DNAH10: variants seen among roughly 807,000 people sequenced by gnomAD.
DNAH10 encodes the protein axonemal beta dynein heavy chain 10.
DNAH10 carries 348 observed loss-of-function variants against 506.6 expected under a neutral mutation model. The ratio of observed to expected loss-of-function variants is 0.69; its 90% CI spans 0.63 to 0.75. The LOEUF (loss-of-function observed/expected upper bound fraction) is 0.75, where lower values mean the gene tolerates loss of function less well. Among genes scored for constraint, DNAH10 ranks in the 30% least tolerant of loss-of-function variants. DNAH10 has a pLI of 0.00. For missense variants in DNAH10, 5,179 were observed against 5,787.1 expected, an observed-to-expected ratio of 0.89 and a Z score of 3.41; for synonymous variants, 2,059 against 2,198.6, an observed-to-expected ratio of 0.94 and a Z score of 1.78.
chr12:123,926,333 C>T lies in DNAH10; in HGVS notation c.11922-304C>T, dbSNP rs1464533241. 1 of 364,498 alleles carries T rather than the reference C, an allele frequency of 2.7e-6. No individual in the cohort carries two copies. Among genetic ancestry groups the T allele is most frequent in the African/African-American group, 2.1e-5 (1 of 47,688 alleles). The allele number at this position is 364,498 out of a possible 1,614,324, so 22.6% of individuals were successfully genotyped here. A position where few individuals can be genotyped will look rare whatever the true frequency, so the allele number is the denominator to read the frequency against. ...ACCATTCAGGACACGCCTGTGGAAC[C>T]TCAGGGTTTTGTGCCATGGGCAGGC... On this transcript the variant is annotated intron_variant, in intron 68 of 78. Coordinates refer to ENST00000673944, the MANE Select transcript of DNAH10 (RefSeq NM_001372106.1). This position sits in a 1 kb window ranked among gnomAD's most constrained non-coding sequence, Gnocchi z 4.1.
intron 1 of DNAH10, among the ~76,000 whole-genome samples, chr12:123,765,802 TCTAC>T (rs760618044): frequency 7.9e-5 from 12 of 151,790 alleles, no homozygotes; most frequent in Non-Finnish European, 1.5e-4. Flanking sequence ...TATACATCTA[TCTAC>T]CTACCTACCT....
At chr12:123,764,760 C>G (rs1258772640) in intron 1 of DNAH10, among the ~76,000 whole-genome samples, 1 of 152,160 alleles carries the variant, frequency 6.6e-6, no homozygotes, top group African/African-American at 2.4e-5. Flanking sequence ...CCCTGGTCTT[C>G]CCTTCCATTC....
At chr12:123,929,552 G>T (rs548189958) in intron 71 of DNAH10, 68 bp downstream of exon 71, 4 of 1,576,818 alleles carry the variant, frequency 2.5e-6, no homozygotes, top group Non-Finnish European at 3.4e-6. Context: ...ACTTTCCTCC[G>T]GGTTCAACCA....
chr12:123,888,324 C>T (rs1390979810), intron 52 of DNAH10, among the ~76,000 whole-genome samples: 4 of 152,180 alleles, frequency 2.6e-5, no homozygotes, highest in Non-Finnish European at 4.4e-5. Flanking sequence ...GGCTGAATGG[C>T]GGCCCTCTAA....
chr12:123,793,188 G>C (rs1958146128), intron 11 of DNAH10, among the ~76,000 whole-genome samples: 1 of 152,068 alleles, frequency 6.6e-6, no homozygotes, highest in East Asian at 1.9e-4. Flanking sequence ...GGGATTCCCT[G>C]TTTGCCCCTC....
intron 4 of DNAH10, among the ~76,000 whole-genome samples, chr12:123,773,398 A>G (rs1957328706): frequency 1.3e-5 from 2 of 152,254 alleles, no homozygotes; most frequent in Admixed American, 6.5e-5. Flanking sequence ...CAAACAACCC[A>G]TGACTCAAAA....
In DNAH10 at chr12:123,853,587, A is replaced by T. The variant is rs12099451; in HGVS notation, c.6438+235A>T. The stretch of plus-strand genomic sequence containing the variant: ...TGTCTTCGCTCCAATAGCAACATTT[A>T]TGATGCTTCCATAGTAATAATCTGT... On this transcript the variant is annotated intron_variant, in intron 36 of 78. Transcript: ENST00000673944. The surrounding 1 kb of genome is among the most constrained non-coding windows in gnomAD (Gnocchi z 4.7). 0.016 allele frequency among the ~76,000 whole-genome samples: 2,482 copies of T among 152,310 alleles called. 67 individuals carry two copies. The highest frequency in any genetic ancestry group is 0.056 in the African/African-American group (2,320 of 41,564).
Position 123,898,673 on chromosome 12 carries a change from G to C in DNAH10, c.9499G>C (p.Gly3167Arg), listed in dbSNP as rs1261713651. Reference sequence around the variant, plus strand: ...CTCAGCTCAGTGCAAGCGTCTGGATGGGGGACTGGACAAGCTGAAGGAGGC... The same window carrying C: ...CTCAGCTCAGTGCAAGCGTCTGGATCGGGGACTGGACAAGCTGAAGGAGGC... The part of the protein sequence containing the change: ...CNIAQCKRLD[G>R]GLDKLKEATI... The change falls in exon 56 of 79, where the codon GGG (glycine) becomes CGG (arginine). Residue 3167 changes from glycine to arginine, a missense_variant. Physicochemically the swap from Gly to Arg is moderately radical, Grantham distance 125. Around this residue, in one of 3 missense-constraint regions of DNAH10, gnomAD observed 4,844 missense variants for 5,430.5 expected, o/e 0.89. Coordinates refer to ENST00000673944, the MANE Select transcript of DNAH10 (RefSeq NM_001372106.1). The C allele has an allele frequency of 5.7e-6, 9 of 1,591,110 alleles. No homozygotes were observed. The highest frequency in any genetic ancestry group is 7.7e-6 in the Non-Finnish European group (9 of 1,168,990).
At chr12:123,851,930 C>T (rs1419728380) in intron 35 of DNAH10, among the ~76,000 whole-genome samples, 1 of 152,176 alleles carries the variant, frequency 6.6e-6, no homozygotes, top group Non-Finnish European at 1.5e-5. Flanking sequence ...GATGCCATCA[C>T]ACCTGGCTAA....
intron 45 of DNAH10, 67 bp downstream of exon 45, chr12:123,871,669 A>T: frequency 6.7e-7 from 1 of 1,501,408 alleles, no homozygotes; most frequent in Admixed American, 2.0e-5. Context: ...TAGCAGCTTC[A>T]TACCACAAGC....
chr12:123,808,284 G>A (rs1177905698), intron 18 of DNAH10, among the ~76,000 whole-genome samples: 1 of 152,174 alleles, frequency 6.6e-6, no homozygotes, highest in Non-Finnish European at 1.5e-5. Context: ...TCCCACCTCA[G>A]CCTCCCAAAG....
intron 44 of DNAH10, 142 bp downstream of exon 44, chr12:123,870,627 C>T: frequency 7.9e-7 from 1 of 1,261,660 alleles, no homozygotes; most frequent in Non-Finnish European, 1.1e-6. Flanking sequence ...AGAGGGTGAG[C>T]TGTGGGCCCT....
chr12:123,883,325 C>T (rs577586227), intron 51 of DNAH10, among the ~76,000 whole-genome samples: 2 of 152,350 alleles, frequency 1.3e-5, no homozygotes, highest in African/African-American at 4.8e-5. Context: ...CTACCAGCAG[C>T]GTCTGAGGGT....
intron 43 of DNAH10, 122 bp downstream of exon 43, chr12:123,868,241 G>A: frequency 1.1e-6 from 1 of 900,408 alleles, no homozygotes; most frequent in Non-Finnish European, 1.7e-6. Context: ...TGCTTCTTTA[G>A]AGAAACATGC....
At chr12:123,871,837 T>G (rs548340576) in intron 45 of DNAH10, among the ~76,000 whole-genome samples, 1 of 152,296 alleles carries the variant, frequency 6.6e-6, no homozygotes, top group East Asian at 1.9e-4. Context: ...TGAGATGACG[T>G]TTCACATGGC....
intron 7 of DNAH10, 34 bp downstream of exon 7, chr12:123,783,298 C>G: frequency 6.2e-7 from 1 of 1,608,046 alleles, no homozygotes; most frequent in African/African-American, 1.3e-5. Context: ...GAGCCCCGAT[C>G]CAGGTCATGC....
intron 28 of DNAH10, 107 bp downstream of exon 28, chr12:123,835,635 A>AT (rs1038049164): frequency 2.1e-6 from 3 of 1,442,578 alleles, no homozygotes; most frequent in East Asian, 5.0e-5. Flanking sequence ...CTTCTCTCTC[A>AT]TTTTTTAGAG....
At chr12:123,809,947 T>C (rs1958865716) in intron 19 of DNAH10, among the ~76,000 whole-genome samples, 1 of 152,200 alleles carries the variant, frequency 6.6e-6, no homozygotes, top group South Asian at 2.1e-4. Flanking sequence ...TCTGCTCCCC[T>C]GACCTTCTTG....
intron 57 of DNAH10, among the ~76,000 whole-genome samples, chr12:123,906,093 C>G (rs1398470860): frequency 6.6e-6 from 1 of 151,612 alleles, no homozygotes; most frequent in African/African-American, 2.4e-5. Flanking sequence ...CGACGCCTGG[C>G]TAATTTTTTT....
Sources: allele counts gnomAD v4.1 joint callset (sites outside exome capture counted in the v4.1 genomes callset), GRCh38; gene constraint gnomAD v4.1.1; regional missense constraint gnomAD v4.1.1; non-coding constraint Gnocchi (gnomAD v3.1); transcripts MANE v1.5; gene names NCBI Gene and HGNC (gene_info 2026-07-23, HGNC 2026-07-21).